SYNDIG1L: variants seen among roughly 807,000 people sequenced by gnomAD.
The protein encoded by SYNDIG1L is synapse differentiation-inducing gene protein 1-like.
In SYNDIG1L, 13 loss-of-function variants were observed where a neutral mutation model predicts 20.1. The observed-to-expected ratio is 0.65, with a 90% CI of 0.42 to 1.03. The LOEUF is 1.03. Among genes scored for constraint, SYNDIG1L ranks in the 50% least tolerant of loss-of-function variants. SYNDIG1L has a pLI of 0.00. For synonymous variants in SYNDIG1L, 128 were observed against 129.3 expected (o/e 0.99, Z 0.07); for missense variants, 294 against 305.1 (o/e 0.96, Z 0.27).
upstream of SYNDIG1L, among the ~76,000 whole-genome samples, chr14:74,426,410 G>C (rs1286361057): frequency 6.6e-6 from 1 of 152,058 alleles, no homozygotes; most frequent in African/African-American, 2.4e-5. Context: ...GCTGGAACCC[G>C]CGTACCCGCT....
the SYNDIG1L span, among the ~76,000 whole-genome samples, chr14:74,465,602 G>A: frequency 2.6e-5 from 4 of 152,232 alleles, no homozygotes; most frequent in African/African-American, 7.2e-5. Flanking sequence ...AAATCAGATA[G>A]GTGGGTGGGT....
intron 3 of SYNDIG1L, 56 bp from the exon 4 acceptor site, chr14:74,407,749 C>T (rs1419730633): frequency 1.9e-6 from 3 of 1,574,316 alleles, no homozygotes; most frequent in East Asian, 2.2e-5. Context: ...GCCAAACAGC[C>T]CAGCCTGCCA....
At chr14:74,422,259 A>G (rs187602120) in intron 1 of SYNDIG1L, among the ~76,000 whole-genome samples, 1 of 152,106 alleles carries the variant, frequency 6.6e-6, no homozygotes, top group East Asian at 1.9e-4. Flanking sequence ...AGGAGAAGAG[A>G]GAATAAGGCA....
intron 1 of SYNDIG1L, among the ~76,000 whole-genome samples, chr14:74,422,916 C>T (rs1409945158): frequency 6.6e-6 from 1 of 151,990 alleles, no homozygotes; most frequent in Non-Finnish European, 1.5e-5. Context: ...CCAGGCTGGT[C>T]TCGAACTCCT....
upstream of SYNDIG1L, among the ~76,000 whole-genome samples, chr14:74,430,139 AT>A (rs1162461887): frequency 6.6e-6 from 1 of 152,098 alleles, no homozygotes; most frequent in Non-Finnish European, 1.5e-5. Flanking sequence ...GCTACTGCCA[AT>A]TTGAGAGGTA....
the SYNDIG1L span, among the ~76,000 whole-genome samples, chr14:74,432,725 A>G: frequency 4.6e-5 from 7 of 152,192 alleles, no homozygotes; most frequent in South Asian, 1.5e-3. Flanking sequence ...GTGTGGTGGC[A>G]TGCCTGTAGT....
At chr14:74,471,826 CTTCAA>C in the SYNDIG1L span, 1 of 152,058 alleles carries the variant, frequency 6.6e-6, no homozygotes, top group Admixed American at 6.5e-5. Flanking sequence ...ATTTTCAAAA[CTTCAA>C]TTCATACAGG....
the SYNDIG1L span, among the ~76,000 whole-genome samples, chr14:74,453,208 G>A: frequency 1.5e-4 from 23 of 151,700 alleles, no homozygotes; most frequent in African/African-American, 3.4e-4. Context: ...TTAGCCAGGC[G>A]TGGTGGCACA....
At position 74,407,384 on chromosome 14, in the gene SYNDIG1L, TCTG is replaced by T. The variant is rs1357532106; in HGVS notation, c.*148_*150del. The stretch of plus-strand genomic sequence containing the variant: ...GGGCAAGCAGAAGTGAAGGCTGAGC[TCTG>T]CAGGCTGTGGAATGGGGGTCTCCCC... On this transcript the variant is annotated 3_prime_UTR_variant, in exon 4 of 4. Coordinates refer to ENST00000331628, the MANE Select transcript of SYNDIG1L (RefSeq NM_001105579.2). 2.7e-6 allele frequency: 3 copies of T among 1,112,932 alleles called. No homozygotes were observed. In the African/African-American group the frequency reaches 4.7e-5, roughly 17 times the overall value. 68.9% of individuals were successfully genotyped at this position (1,112,932 alleles called of 1,614,324 possible).
chr14:74,410,450 C>A (rs2139621118), intron 1 of SYNDIG1L, among the ~76,000 whole-genome samples: 1 of 152,266 alleles, frequency 6.6e-6, no homozygotes, highest in East Asian at 1.9e-4. Flanking sequence ...GACCGTGCAG[C>A]CTTGCTTGAG....
chr14:74,443,093 T>C, the SYNDIG1L span, among the ~76,000 whole-genome samples: 1 of 152,228 alleles, frequency 6.6e-6, no homozygotes, highest in Non-Finnish European at 1.5e-5. Context: ...ACTATACATA[T>C]GCATGAGATG....
chr14:74,476,292 C>T, the SYNDIG1L span: 21 of 619,846 alleles, frequency 3.4e-5, no homozygotes, highest in Non-Finnish European at 4.9e-5. Flanking sequence ...AGCAGCTCTG[C>T]CATGTTCAAG....
In SYNDIG1L at chr14:74,421,084, T is replaced by C. The variant is rs555963629; in HGVS notation, c.-58+4828A>G. Among the ~76,000 whole-genome samples, 7 of 152,260 alleles carry C rather than the reference T, an allele frequency of 4.6e-5. No homozygotes were observed. The South Asian group carries it at 1.5e-3, about 32-fold the overall frequency. On this transcript the variant is annotated intron_variant, in intron 1 of 3. Coordinates refer to ENST00000331628, the MANE Select transcript of SYNDIG1L (RefSeq NM_001105579.2). ...AATGACCCAATAAGATCCCAAATCA[T>C]TCAAGTTACAGAAAAAAAACTTTGA...
the SYNDIG1L span, among the ~76,000 whole-genome samples, chr14:74,472,814 T>C: frequency 3.9e-5 from 6 of 152,040 alleles, no homozygotes; most frequent in Admixed American, 2.6e-4. Context: ...GTCCTGTGGC[T>C]GGAGGAAGGA....
chr14:74,439,650 G>A, the SYNDIG1L span, among the ~76,000 whole-genome samples: 2 of 152,134 alleles, frequency 1.3e-5, no homozygotes, highest in Non-Finnish European at 2.9e-5. Context: ...GGAGGCCGAG[G>A]CAGGCGGATC....
the SYNDIG1L span, among the ~76,000 whole-genome samples, chr14:74,467,132 T>C: frequency 2.0e-5 from 3 of 152,210 alleles, no homozygotes; most frequent in Non-Finnish European, 4.4e-5. Context: ...AAAATTTTTT[T>C]AAATTTAAAT....
At chr14:74,458,447 G>A in the SYNDIG1L span, among the ~76,000 whole-genome samples, 2,724 of 133,944 alleles carry the variant, frequency 0.02, 35 homozygotes, top group African/African-American at 0.035. Flanking sequence ...TGAAGACCCT[G>A]TGTCTACTAA....
At chr14:74,449,521 A>G in the SYNDIG1L span, among the ~76,000 whole-genome samples, 3 of 148,138 alleles carry the variant, frequency 2.0e-5, no homozygotes, top group Non-Finnish European at 4.5e-5. Context: ...CTGACATGGA[A>G]GGATTGCTTG....
intron 1 of SYNDIG1L, among the ~76,000 whole-genome samples, chr14:74,410,318 G>A (rs72730161): frequency 0.16 from 23,647 of 152,104 alleles, 1,927 homozygotes; most frequent in Admixed American, 0.23. Context: ...TGAGGTGAAG[G>A]GGATGCAGAA....
Sources: gnomAD v4.1 joint callset for allele counts (sites outside exome capture counted in the v4.1 genomes callset) on GRCh38, gnomAD v4.1.1 for gene constraint, MANE v1.5 for transcripts, NCBI Gene and HGNC (gene_info 2026-07-23, HGNC 2026-07-21) for gene names.